Variants in RAB27A observed in about 807,000 individuals in gnomAD.
The protein encoded by RAB27A is ras-related protein Rab-27A.
In RAB27A, 17 loss-of-function variants were observed where a neutral mutation model predicts 20.8. The ratio of observed to expected loss-of-function variants is 0.82; its 90% confidence interval spans 0.56 to 1.23. RAB27A has a LOEUF of 1.23. Ranked by LOEUF, RAB27A falls within the 50% of genes most tolerant of loss-of-function variation. The pLI, the probability that RAB27A is intolerant of heterozygous loss-of-function variation, is 0.00. For missense variants in RAB27A, 277 were observed against 266.7 expected (o/e 1.04, Z -0.27); for synonymous variants, 85 against 92.8 (o/e 0.92, Z 0.48).
At chr15:55,229,460 G>T (rs1451880165) in intron 4 of RAB27A, among the ~76,000 whole-genome samples, 1 of 152,166 alleles carries the variant, frequency 6.6e-6, no homozygotes, top group Non-Finnish European at 1.5e-5. Flanking sequence ...CAGATCACCT[G>T]AAGTCAGGAG....
upstream of RAB27A, chr15:55,290,259 G>A (rs1898275250): frequency 1.3e-5 from 2 of 152,208 alleles, no homozygotes; most frequent in South Asian, 4.1e-4. Flanking sequence ...CGCCGGCCCC[G>A]CCCGAGGTTC....
chr15:55,262,318 A>G (rs756158924), intron 2 of RAB27A, among the ~76,000 whole-genome samples: 21 of 152,050 alleles, frequency 1.4e-4, no homozygotes, highest in East Asian at 7.8e-4. Context: ...AAGGTGGGCG[A>G]ATCACAATGT....
chr15:55,281,882 T>C (rs1024445580), intron 1 of RAB27A, among the ~76,000 whole-genome samples: 1 of 152,156 alleles, frequency 6.6e-6, no homozygotes, highest in Non-Finnish European at 1.5e-5. Context: ...AGGATATGAA[T>C]TGAATTCCTT....
At chr15:55,269,069 C>T (rs142689739) in intron 2 of RAB27A, among the ~76,000 whole-genome samples, 110 of 152,312 alleles carry the variant, frequency 7.2e-4, no homozygotes, top group African/African-American at 2.5e-3. Context: ...GATTCTCCCT[C>T]ACAGTCCTCA....
At chr15:55,274,238 G>C (rs1198348631) in intron 1 of RAB27A, among the ~76,000 whole-genome samples, 1 of 152,072 alleles carries the variant, frequency 6.6e-6, no homozygotes, top group Non-Finnish European at 1.5e-5. Context: ...AGGGGATTCA[G>C]GAGAAGCAGT....
chr15:55,274,839 CAGACA>C (rs1897818065), intron 1 of RAB27A, among the ~76,000 whole-genome samples: 1 of 66,690 alleles, frequency 1.5e-5, no homozygotes, highest in African/African-American at 4.5e-5. Context: ...TAGAGAGAGA[CAGACA>C]AAACTTTAGC....
rs553185467 is a variant in RAB27A, at chr15:55,209,452, T to C, written c.468-3747A>G. ...TAATGATCTCCAGTTCCATCCAAGC[T>C]GCTGCAAATGATGGGATTTCATTCT... On this transcript the variant is annotated intron_variant, in intron 6 of 6. Transcript: ENST00000336787. Among the ~76,000 whole-genome samples the C allele has an allele frequency of 2.5e-3, 386 of 152,304 alleles. 1 individual carries two copies. The highest frequency in any genetic ancestry group is 4.4e-3 in the Non-Finnish European group (298 of 68,030).
chr15:55,315,545 T>C (rs892709788), intron 1 of RAB27A, among the ~76,000 whole-genome samples: 5 of 152,158 alleles, frequency 3.3e-5, no homozygotes, highest in African/African-American at 1.2e-4. Context: ...TACAAGGGAC[T>C]TAAACAAATT....
chr15:55,244,191 G>A (rs534533616), intron 2 of RAB27A, among the ~76,000 whole-genome samples: 14 of 152,070 alleles, frequency 9.2e-5, no homozygotes, highest in Non-Finnish European at 1.8e-4. Context: ...ATGGGTGCCT[G>A]TAATCCCAGC....
At chr15:55,282,617 T>C (rs141624005) in intron 1 of RAB27A, among the ~76,000 whole-genome samples, 1 of 152,176 alleles carries the variant, frequency 6.6e-6, no homozygotes, top group Non-Finnish European at 1.5e-5. Context: ...TAGACATTCC[T>C]GGCAGCTGCG....
At chr15:55,318,127 T>C (rs2055071668) in intron 1 of RAB27A, among the ~76,000 whole-genome samples, 1 of 147,720 alleles carries the variant, frequency 6.8e-6, no homozygotes, top group African/African-American at 2.5e-5. Flanking sequence ...AGACGGAGTC[T>C]CGCTCTGTCG....
intron 6 of RAB27A, among the ~76,000 whole-genome samples, chr15:55,217,316 T>C (rs1479724921): frequency 2.0e-5 from 3 of 151,892 alleles, no homozygotes; most frequent in Admixed American, 6.6e-5. Flanking sequence ...TCTAGCAAAC[T>C]AGATGAGAGC....
intron 2 of RAB27A, among the ~76,000 whole-genome samples, chr15:55,307,201 T>C (rs1285515807): frequency 6.6e-6 from 1 of 152,016 alleles, no homozygotes; most frequent in African/African-American, 2.4e-5. Flanking sequence ...GACAGGCTCC[T>C]TGTAATGTTT....
upstream of RAB27A, among the ~76,000 whole-genome samples, chr15:55,291,613 G>C (rs541610032): frequency 2.0e-5 from 3 of 150,448 alleles, no homozygotes; most frequent in South Asian, 6.4e-4. Context: ...TAAAATCTGG[G>C]AAACCAATAA....
chr15:55,275,686 G>A (rs1288016846), intron 1 of RAB27A, among the ~76,000 whole-genome samples: 1 of 151,262 alleles, frequency 6.6e-6, no homozygotes, highest in African/African-American at 2.4e-5. Context: ...ATCTGATCAG[G>A]GGTTAATATC....
At chr15:55,273,958 C>T (rs936530044) in intron 1 of RAB27A, among the ~76,000 whole-genome samples, 5 of 152,088 alleles carry the variant, frequency 3.3e-5, no homozygotes, top group African/African-American at 9.7e-5. Flanking sequence ...TCTTCTCAAG[C>T]GCACGTGGAA....
intron 2 of RAB27A, among the ~76,000 whole-genome samples, chr15:55,268,812 G>A (rs1897602965): frequency 6.6e-6 from 1 of 152,188 alleles, no homozygotes; most frequent in Non-Finnish European, 1.5e-5. Flanking sequence ...GGATTGAATT[G>A]TGTCCCCCTA....
rs147382703 is a variant in RAB27A, at chr15:55,206,758, T to C, written c.468-1053A>G. On this transcript the variant is annotated intron_variant, in intron 6 of 6. Coordinates refer to ENST00000336787, the MANE Select transcript of RAB27A (RefSeq NM_183235.3). ...ATACAACAGTCTTATCTTTTTGACA[T>C]TGGAATAAGAAAGGATTTCTTAATA... 3.5e-4 allele frequency among the ~76,000 whole-genome samples: 53 copies of C among 152,260 alleles called. No homozygotes were observed. In the East Asian group the frequency reaches 4.6e-3, roughly 13 times the overall value.
At chr15:55,307,824 T>A (rs8031567) in intron 2 of RAB27A, among the ~76,000 whole-genome samples, 3,276 of 151,324 alleles carry the variant, frequency 0.022, 65 homozygotes, top group Non-Finnish European at 0.035. Flanking sequence ...TTTGGCACAC[T>A]TCACAGGCCC....
Sources: gnomAD v4.1 joint callset for allele counts (sites outside exome capture counted in the v4.1 genomes callset) on GRCh38, gnomAD v4.1.1 for gene constraint, MANE v1.5 for transcripts, NCBI Gene and HGNC (gene_info 2026-07-23, HGNC 2026-07-21) for gene names.